Variants in NELL1 observed in about 807,000 individuals in gnomAD.
The protein encoded by NELL1 is neural EGFL like 1.
NELL1 carries 76 observed loss-of-function variants against 107.4 expected under a neutral mutation model. That is an observed-to-expected ratio of 0.71 (90% confidence interval 0.59 to 0.86). NELL1 has a LOEUF of 0.86. Ranked by LOEUF, NELL1 falls within the 40% of genes least tolerant of loss-of-function variation. NELL1 has a pLI of 0.00. For synonymous variants in NELL1, 353 were observed against 341.2 expected (o/e 1.03, Z -0.38); for missense variants, 1,024 against 1,005.5 (o/e 1.02, Z -0.25).
chr11:21,347,583 CA>C (rs1174401194), intron 14 of NELL1, among the ~76,000 whole-genome samples: 1 of 152,104 alleles, frequency 6.6e-6, no homozygotes, highest in African/African-American at 2.4e-5. Flanking sequence ...GGCTGGGCAA[CA>C]AGAGCAAAAC....
Position 21,283,606 on chromosome 11 carries a change from G to A in NELL1, c.1549+54152G>A, listed in dbSNP as rs376366448. ...TACTATATAACACATTACATCATCT[G>A]TCTAGCTATCTCTCTCACAAAGTAG... On this transcript the variant is annotated intron_variant, in intron 14 of 19. Transcript: ENST00000357134. 7 of 156,788 alleles carry A rather than the reference G, an allele frequency of 4.5e-5. No homozygotes were observed. The East Asian group carries it at 9.4e-4, about 21-fold the overall frequency. 9.7% of individuals were successfully genotyped at this position (156,788 alleles called of 1,614,324 possible).
chr11:21,418,767 G>A lies in NELL1; in HGVS notation c.1645+47819G>A, dbSNP rs111706008. 7.4e-4 allele frequency among the ~76,000 whole-genome samples: 113 copies of A among 152,204 alleles called. 1 individual carries two copies. Among genetic ancestry groups the A allele is most frequent in the African/African-American group, 2.6e-3 (108 of 41,556 alleles). On this transcript the variant is annotated intron_variant, in intron 15 of 19. Transcript: ENST00000357134. ...TCTGATAAGAAGCTTTAAAGCCATTGCATAGTTCAGCTACCTCCTTTTTAA... is the reference window on the plus strand; with the variant it reads ...TCTGATAAGAAGCTTTAAAGCCATTACATAGTTCAGCTACCTCCTTTTTAA...
intron 2 of NELL1, among the ~76,000 whole-genome samples, chr11:20,750,660 C>T (rs2133944636): frequency 6.6e-6 from 1 of 152,166 alleles, no homozygotes; most frequent in East Asian, 1.9e-4. Context: ...GATCATGGCT[C>T]ACTGTACCCT....
At chr11:20,884,480 G>A (rs1849468096) in intron 4 of NELL1, among the ~76,000 whole-genome samples, 1 of 151,612 alleles carries the variant, frequency 6.6e-6, no homozygotes, top group African/African-American at 2.4e-5. Flanking sequence ...ATCCCACCCA[G>A]AATCTTCTGA....
intron 15 of NELL1, among the ~76,000 whole-genome samples, chr11:21,387,742 A>G (rs1470871954): frequency 1.3e-5 from 2 of 151,586 alleles, no homozygotes; most frequent in Non-Finnish European, 2.9e-5. Flanking sequence ...GTGTGTTACT[A>G]TAGTAACCCT....
chr11:20,784,404 T>C (rs10766725), intron 3 of NELL1, among the ~76,000 whole-genome samples: 150,735 of 152,348 alleles, frequency 0.99, 74,589 homozygotes, highest in East Asian at 1. Context: ...GTATTCTACA[T>C]GCTGAATGCG....
At chr11:20,792,774 A>C (rs796594534) in intron 3 of NELL1, among the ~76,000 whole-genome samples, 24 of 152,002 alleles carry the variant, frequency 1.6e-4, no homozygotes, top group African/African-American at 5.8e-4. Flanking sequence ...TAGCAATATT[A>C]ATAAAAGCAG....
At chr11:21,503,394 A>G (rs1017081015) in intron 15 of NELL1, among the ~76,000 whole-genome samples, 9 of 152,320 alleles carry the variant, frequency 5.9e-5, no homozygotes, top group Non-Finnish European at 1.0e-4. Context: ...ACGCGCTAGG[A>G]CAAAAATCAA....
intron 17 of NELL1, 26 bp from the exon 18 acceptor site, chr11:21,570,738 A>G (rs1857081075): frequency 6.2e-7 from 1 of 1,603,982 alleles, no homozygotes. Flanking sequence ...AAATGATGAA[A>G]CCTCCTTAAC....
Position 20,713,513 on chromosome 11 carries a change from T to C in NELL1, c.184+35453T>C, listed in dbSNP as rs897178027. 3.3e-5 allele frequency among the ~76,000 whole-genome samples: 5 copies of C among 152,174 alleles called. No homozygotes were observed. The East Asian group carries it at 7.7e-4, about 23-fold the overall frequency. Reference sequence around the variant, plus strand: ...CAGTTGGTGAGGCTGGTCTTGCTCCTGCAGTGCCCCCTGTTCAGATCTTGC... The same window carrying C: ...CAGTTGGTGAGGCTGGTCTTGCTCCCGCAGTGCCCCCTGTTCAGATCTTGC... On this transcript the variant is annotated intron_variant, in intron 2 of 19. Coordinates refer to ENST00000357134, the MANE Select transcript of NELL1 (RefSeq NM_006157.5).
At chr11:20,694,646 C>T (rs1792981) in intron 2 of NELL1, among the ~76,000 whole-genome samples, 31,082 of 151,820 alleles carry the variant, frequency 0.2, 3,497 homozygotes, top group African/African-American at 0.27. Flanking sequence ...GTACTAATAC[C>T]ATGCTGTTTA....
intron 15 of NELL1, among the ~76,000 whole-genome samples, chr11:21,503,371 G>C (rs1855196807): frequency 1.3e-5 from 2 of 152,168 alleles, no homozygotes. Flanking sequence ...CATGTGACTA[G>C]ACCAATGTTA....
At chr11:20,702,350 C>T (rs546395016) in intron 2 of NELL1, among the ~76,000 whole-genome samples, 52 of 152,156 alleles carry the variant, frequency 3.4e-4, no homozygotes, top group Non-Finnish European at 6.6e-4. Context: ...GATTTTTGCA[C>T]ATTGATTTTG....
At chr11:20,712,946 C>T (rs1043360624) in intron 2 of NELL1, among the ~76,000 whole-genome samples, 3 of 152,186 alleles carry the variant, frequency 2.0e-5, no homozygotes, top group Non-Finnish European at 2.9e-5. Context: ...CTTACTTTCT[C>T]GAATGCTAGT....
intron 12 of NELL1, among the ~76,000 whole-genome samples, chr11:20,990,448 G>A (rs752694959): frequency 6.6e-6 from 1 of 152,156 alleles, no homozygotes; most frequent in Non-Finnish European, 1.5e-5. Flanking sequence ...TCTTGACATG[G>A]CAGTACCAGG....
chr11:20,692,455 G>A lies in NELL1; in HGVS notation c.184+14395G>A, dbSNP rs536901054. On this transcript the variant is annotated intron_variant, in intron 2 of 19. Transcript: ENST00000357134. ...TAAATTTCCCTCTCCACACTGCTTTGAATGTGTCCCAGAGATTCTGGTATG... is the reference window on the plus strand; with the variant it reads ...TAAATTTCCCTCTCCACACTGCTTTAAATGTGTCCCAGAGATTCTGGTATG... 3.7e-3 allele frequency among the ~76,000 whole-genome samples: 566 copies of A among 151,608 alleles called. 3 individuals carry two copies. Among genetic ancestry groups the A allele is most frequent in the African/African-American group, 0.013 (529 of 41,264 alleles).
chr11:20,815,130 T>A (rs551920508), intron 3 of NELL1, among the ~76,000 whole-genome samples: 1 of 152,158 alleles, frequency 6.6e-6, no homozygotes, highest in Non-Finnish European at 1.5e-5. Flanking sequence ...AGTGGTGTAA[T>A]CTCCACTCAC....
At chr11:21,342,038 G>C (rs558954343) in intron 14 of NELL1, among the ~76,000 whole-genome samples, 4 of 152,194 alleles carry the variant, frequency 2.6e-5, no homozygotes, top group East Asian at 3.9e-4. Flanking sequence ...ATGAGTTGTC[G>C]ATAGCAATAC....
intron 12 of NELL1, among the ~76,000 whole-genome samples, chr11:21,091,453 A>C (rs1565054279): frequency 1.3e-5 from 2 of 152,238 alleles, no homozygotes; most frequent in African/African-American, 2.4e-5. Flanking sequence ...TTCATTTTCA[A>C]CTTTAGAGAG....
Sources: allele counts gnomAD v4.1 joint callset (sites outside exome capture counted in the v4.1 genomes callset), GRCh38; gene constraint gnomAD v4.1.1; transcripts MANE v1.5; gene names NCBI Gene and HGNC (gene_info 2026-07-23, HGNC 2026-07-21).